LRP1B: variants seen among roughly 807,000 people sequenced by gnomAD.
The protein encoded by LRP1B is low-density lipoprotein receptor-related protein 1B.
Under a neutral mutation model 556.6 loss-of-function variants are expected in LRP1B, and 217 were observed. The ratio of observed to expected loss-of-function variants is 0.39; its 90% confidence interval spans 0.35 to 0.44. The LOEUF is 0.44. Ranked by LOEUF, LRP1B falls within the 20% of genes least tolerant of loss-of-function variation. The pLI is 1.00. For synonymous variants in LRP1B, 2,047 were observed against 1,865.8 expected (o/e 1.10, Z -2.50); for missense variants, 5,053 against 5,620.8 (o/e 0.90, Z 3.23).
intron 57 of LRP1B, among the ~76,000 whole-genome samples, chr2:140,488,338 G>A (rs1050877782): frequency 6.6e-6 from 1 of 152,048 alleles, no homozygotes; most frequent in Non-Finnish European, 1.5e-5. Context: ...ACAACCTTGG[G>A]TGAGTATTTG....
intron 2 of LRP1B, among the ~76,000 whole-genome samples, chr2:141,700,183 T>C (rs77655944): frequency 6.6e-6 from 1 of 151,860 alleles, no homozygotes; most frequent in Non-Finnish European, 1.5e-5. Context: ...TAAATTTCTA[T>C]TGACATTTTT....
At chr2:141,606,576 C>G (rs1486218632) in intron 2 of LRP1B, among the ~76,000 whole-genome samples, 1 of 152,140 alleles carries the variant, frequency 6.6e-6, no homozygotes, top group Non-Finnish European at 1.5e-5. Flanking sequence ...GTGATTAAGT[C>G]TAAATGAGGC....
intron 20 of LRP1B, among the ~76,000 whole-genome samples, chr2:140,931,827 T>C (rs1161791754): frequency 1.3e-5 from 2 of 149,776 alleles, no homozygotes; most frequent in Non-Finnish European, 2.9e-5. Context: ...TATAAGTGGA[T>C]AGATGTATTA....
chr2:140,278,308 ATAT>A (rs1251415847), intron 84 of LRP1B, among the ~76,000 whole-genome samples: 1 of 152,016 alleles, frequency 6.6e-6, no homozygotes, highest in South Asian at 2.1e-4. Context: ...ACACCTTGTA[ATAT>A]TTAATTGAAC....
At chr2:140,259,909 C>A (rs867581692) in intron 86 of LRP1B, among the ~76,000 whole-genome samples, 1 of 151,756 alleles carries the variant, frequency 6.6e-6, no homozygotes, top group Non-Finnish European at 1.5e-5. Context: ...AATGTAAAAA[C>A]CAATATGCCC....
intron 53 of LRP1B, 145 bp from the exon 54 acceptor site, chr2:140,503,248 G>A (rs1689273599): frequency 2.6e-6 from 2 of 763,936 alleles, no homozygotes; most frequent in Admixed American, 2.8e-5. Context: ...TGTAACAGTG[G>A]TTATAGTTGC....
intron 3 of LRP1B, among the ~76,000 whole-genome samples, chr2:141,322,181 C>T (rs1454099853): frequency 6.6e-6 from 1 of 152,022 alleles, no homozygotes; most frequent in African/African-American, 2.4e-5. Flanking sequence ...TGAGGCTGAG[C>T]CCTGAGTTTT....
rs540262262 is a variant in LRP1B, at chr2:140,977,928, A to C, written c.2887+4232T>G. 2.8e-4 allele frequency among the ~76,000 whole-genome samples: 43 copies of C among 152,300 alleles called. No individual in the cohort carries two copies. The South Asian group carries it at 8.9e-3, about 32-fold the overall frequency. ...CTGGTAATTATTTTATTGACAACTTAAGTTGAGAACCAACGTTAGTCTTAT... is the reference window on the plus strand; with the variant it reads ...CTGGTAATTATTTTATTGACAACTTCAGTTGAGAACCAACGTTAGTCTTAT... On this transcript the variant is annotated intron_variant, in intron 18 of 90. Coordinates refer to ENST00000389484, the MANE Select transcript of LRP1B (RefSeq NM_018557.3).
intron 1 of LRP1B, among the ~76,000 whole-genome samples, chr2:142,030,549 T>C (rs188227941): frequency 1.3e-5 from 2 of 151,988 alleles, no homozygotes; most frequent in African/African-American, 2.4e-5. Context: ...TATGAAGGAA[T>C]AATTTAAAAA....
rs7584552 is a variant in LRP1B at position 141,107,150 on chromosome 2, G to T, written c.1014-44877C>A. 2.6e-5 allele frequency among the ~76,000 whole-genome samples: 4 copies of T among 151,300 alleles called. No homozygotes were observed. The East Asian group carries it at 5.9e-4, about 22-fold the overall frequency. On this transcript the variant is annotated intron_variant, in intron 7 of 90. Coordinates refer to ENST00000389484, the MANE Select transcript of LRP1B (RefSeq NM_018557.3). ...TGATTTATAAAAAAAATAAAGAATA[G>T]GCAAAAAAGTAAAGGGTTCTATTCA...
chr2:141,511,162 A>C (rs1647831387), intron 2 of LRP1B, among the ~76,000 whole-genome samples: 1 of 152,150 alleles, frequency 6.6e-6, no homozygotes, highest in Admixed American at 6.6e-5. Flanking sequence ...GTATGAAAAT[A>C]TGTGGTGCAG....
Position 140,951,451 on chromosome 2 carries a change from A to G in LRP1B, c.2968+409T>C, listed in dbSNP as rs147536858. On this transcript the variant is annotated intron_variant, in intron 19 of 90. Coordinates refer to ENST00000389484, the MANE Select transcript of LRP1B (RefSeq NM_018557.3). ...ATACAATTGAATATGAGAATAAAAT[A>G]CCATTTGAACATAAGAGGAAACTGA... Among the ~76,000 whole-genome samples, 850 of 152,254 alleles carry G rather than the reference A, an allele frequency of 5.6e-3. 9 individuals are homozygous for G. Among genetic ancestry groups the G allele is most frequent in the African/African-American group, 0.019 (797 of 41,574 alleles).
intron 3 of LRP1B, among the ~76,000 whole-genome samples, chr2:141,281,071 G>A (rs527990928): frequency 1.3e-5 from 2 of 151,812 alleles, no homozygotes; most frequent in African/African-American, 4.8e-5. Flanking sequence ...TGCTTTTCCT[G>A]GTTCATAGTC....
intron 41 of LRP1B, among the ~76,000 whole-genome samples, chr2:140,613,388 CATATAA>C (rs1185553603): frequency 1.2e-5 from 1 of 85,262 alleles, no homozygotes; most frequent in Admixed American, 1.5e-4. Flanking sequence ...TAATTATATA[CATATAA>C]ATATAAATAA....
intron 2 of LRP1B, among the ~76,000 whole-genome samples, chr2:141,608,841 A>C (rs1336367469): frequency 2.0e-5 from 3 of 152,204 alleles, no homozygotes; most frequent in Non-Finnish European, 4.4e-5. Flanking sequence ...TTTGTAGCTA[A>C]TTTATTTATG....
chr2:140,544,016 T>C (rs1680232318), intron 43 of LRP1B, among the ~76,000 whole-genome samples: 1 of 152,038 alleles, frequency 6.6e-6, no homozygotes, highest in Non-Finnish European at 1.5e-5. Context: ...AACAAAATCC[T>C]AAATAAAGAG....
chr2:140,646,154 C>T (rs1684475802), intron 41 of LRP1B, among the ~76,000 whole-genome samples: 1 of 152,136 alleles, frequency 6.6e-6, no homozygotes, highest in Non-Finnish European at 1.5e-5. Context: ...TTTATGTCAG[C>T]TCCACTGATT....
chr2:141,986,958 A>T (rs1702207728), intron 1 of LRP1B, among the ~76,000 whole-genome samples: 1 of 151,978 alleles, frequency 6.6e-6, no homozygotes, highest in South Asian at 2.1e-4. Context: ...ATTATCTATG[A>T]CCTTGGTAAG....
intron 47 of LRP1B, among the ~76,000 whole-genome samples, chr2:140,527,556 T>C (rs1298677469): frequency 1.3e-5 from 2 of 151,972 alleles, no homozygotes; most frequent in East Asian, 3.9e-4. Flanking sequence ...ATGATTAGAA[T>C]AAATGTTTTA....
Sources: gnomAD v4.1 joint callset for allele counts (sites outside exome capture counted in the v4.1 genomes callset) on GRCh38, gnomAD v4.1.1 for gene constraint, MANE v1.5 for transcripts, NCBI Gene and HGNC (gene_info 2026-07-23, HGNC 2026-07-21) for gene names.